Variants in NCBP1 observed in about 807,000 individuals in gnomAD.
NCBP1 encodes nuclear cap binding protein subunit 1, also known as nuclear cap-binding protein subunit 1.
In NCBP1, 16 loss-of-function variants were observed where a neutral mutation model predicts 111.7. That is an observed-to-expected ratio of 0.14 (90% CI 0.10 to 0.22). The LOEUF (loss-of-function observed/expected upper bound fraction) is 0.22, where lower values mean the gene tolerates loss of function less well. Ranked by LOEUF, NCBP1 falls within the 10% of genes least tolerant of loss-of-function variation. The pLI is 1.00. For synonymous variants in NCBP1, 304 were observed against 314.3 expected (o/e 0.97, Z 0.35); for missense variants, 607 against 957.5 (o/e 0.63, Z 4.83).
chr9:97,640,795 T>A lies in NCBP1; in HGVS notation c.36T>A (p.Gly12=). 6.2e-7 allele frequency: 1 copy of A among 1,603,192 alleles called. No individual in the cohort carries two copies. The highest frequency in any genetic ancestry group is 1.1e-5 in the South Asian group (1 of 88,698). ...TAATTTTTTATGTTGCTGAAATAGG[T>A]GGGCAGCCTCACAAAAGGAGAAAGA... ...SRRRHSDEND[G]GQPHKRRKTS... is the part of the protein sequence containing the mutation. Residue 12 remains glycine (G), a splice_region_variant and synonymous_variant, in exon 2 of 23, where the codon GGT becomes GGA. Transcript: ENST00000375147.
rs753424452 is a variant in NCBP1 at position 97,669,799 on chromosome 9, A to G, written c.2259+93A>G. ...TCCTTGTCAAATTTGTTAGGAGGTT[A>G]TATAGTACCTGTTAGACCCTTTAGT... On this transcript the variant is annotated intron_variant, in intron 22 of 22. Transcript: ENST00000375147. 1.8e-5 allele frequency: 15 copies of G among 854,094 alleles called. No individual in the cohort carries two copies. The Middle Eastern group carries it at 1.2e-3, about 67-fold the overall frequency. 52.9% of individuals were successfully genotyped at this position (854,094 alleles called of 1,614,324 possible). A position where few individuals can be genotyped will look rare whatever the true frequency, so the allele number is the denominator to read the frequency against.
At chr9:97,634,720 T>TA (rs1826949713) in intron 1 of NCBP1, 1 of 152,208 alleles carries the variant, frequency 6.6e-6, no homozygotes, top group Non-Finnish European at 1.5e-5. Context: ...ACCAAAAAAG[T>TA]AAAACTTAGA....
Position 97,653,913 on chromosome 9 carries a change from C to A in NCBP1, c.1170+5C>A. On this transcript the variant is annotated splice_donor_5th_base_variant and intron_variant, in intron 11 of 22. Transcript: ENST00000375147. Reference sequence around the variant, plus strand: ...CCTGGCTCTCTACCCCAAGTTGTATCCTTTTCTTTATTTTTAAACTTAATC... The same window carrying A: ...CCTGGCTCTCTACCCCAAGTTGTATACTTTTCTTTATTTTTAAACTTAATC... 1 of 1,595,928 alleles carries A rather than the reference C, an allele frequency of 6.3e-7. No individual in the cohort carries two copies. The highest frequency in any genetic ancestry group is 8.6e-7 in the Non-Finnish European group (1 of 1,165,396).
At position 97,656,961 on chromosome 9, in the gene NCBP1, TTTTTGTTTTG is replaced by T. The variant is rs112887184; in HGVS notation, c.1373+891_1373+900del. Among the ~76,000 whole-genome samples the T allele has an allele frequency of 9.9e-5, 15 of 152,216 alleles. No individual in the cohort carries two copies. The East Asian group carries it at 1.4e-3, about 14-fold the overall frequency. Reference sequence around the variant, plus strand: ...ATTTCCTGTCTGGTCTGGAGTGTTTTTTTTGTTTTGTTTTGTTTTGTTTTTGAGTTGGAGT... The same window carrying T: ...ATTTCCTGTCTGGTCTGGAGTGTTTTTTTTGTTTTGTTTTTGAGTTGGAGT... On this transcript the variant is annotated intron_variant, in intron 14 of 22. Transcript: ENST00000375147.
Position 97,671,618 on chromosome 9 carries a change from A to C in NCBP1, c.*419A>C, listed in dbSNP as rs1265593099. ...TTAACATGGCTGAAATAAAACTAAA[A>C]GTATGGTTTTTAAACTTTGGCATTT... On this transcript the variant is annotated 3_prime_UTR_variant, in exon 23 of 23. Coordinates refer to ENST00000375147, the MANE Select transcript of NCBP1 (RefSeq NM_002486.5). The C allele has an allele frequency of 6.5e-6, 1 of 153,544 alleles. No homozygotes were observed. The highest frequency in any genetic ancestry group is 1.4e-5 in the Non-Finnish European group (1 of 68,998). The allele number at this position is 153,544 out of a possible 1,614,324, so 9.5% of individuals were successfully genotyped here.
chr9:97,658,543 C>T (rs1297688205), intron 14 of NCBP1, 97 bp from the exon 15 acceptor site: 3 of 905,694 alleles, frequency 3.3e-6, no homozygotes, highest in African/African-American at 3.3e-5. Context: ...CAGCTGAGTT[C>T]AAGTTGTTGG....
At chr9:97,653,015 G>T (rs914421086) in intron 10 of NCBP1, among the ~76,000 whole-genome samples, 6 of 152,090 alleles carry the variant, frequency 3.9e-5, no homozygotes, top group Admixed American at 2.0e-4. Flanking sequence ...AAGAGGCATG[G>T]CAAAGAAGTC....
chr9:97,641,291 C>T (rs1827196666), intron 2 of NCBP1, among the ~76,000 whole-genome samples: 1 of 151,964 alleles, frequency 6.6e-6, no homozygotes, highest in South Asian at 2.1e-4. Flanking sequence ...TTCACTCGTC[C>T]ACTTTTCATG....
rs562093927 is a variant in NCBP1, at chr9:97,655,706, A to G, written c.1240A>G (p.Ile414Val). The change falls in exon 13 of 23, where the codon ATT (isoleucine) becomes GTT (valine). Residue 414 changes from isoleucine to valine, a missense_variant. Ile to Val is a conservative substitution (Grantham distance 29). This residue lies in a region of NCBP1 where 21 missense variants were observed against 19.6 expected (regional missense o/e 1.07). Coordinates refer to ENST00000375147, the MANE Select transcript of NCBP1 (RefSeq NM_002486.5). ...ACCTCCCCCTTCTCTACGTAGGTTT[A>G]TTAATTGGTTTTCTCATCATCTAAG... is the stretch of plus-strand genomic sequence containing the variant. The part of the protein sequence containing the change: ...TMNTTCVDRF[I>V]NWFSHHLSNF... 83 of 1,611,204 alleles carry G rather than the reference A, an allele frequency of 5.2e-5. 1 individual carries two copies. The South Asian group carries it at 9.1e-4, about 18-fold the overall frequency.
chr9:97,668,727 T>A lies in NCBP1; in HGVS notation c.2017-119T>A, dbSNP rs938610532. 6 of 1,159,068 alleles carry A rather than the reference T, an allele frequency of 5.2e-6. No individual in the cohort carries two copies. In the Admixed American group the frequency reaches 1.6e-4, roughly 31 times the overall value. 71.8% of individuals were successfully genotyped at this position (1,159,068 alleles called of 1,614,324 possible). ...GTGGGTGGCGGGGTGGGGGGGTACT[T>A]TCACTATAGAATATAAGTCTTAACA... On this transcript the variant is annotated intron_variant, in intron 20 of 22. Transcript: ENST00000375147.
Position 97,662,976 on chromosome 9 carries a change from C to G in NCBP1, c.1726C>G (p.Leu576Val). ...LAKFHEVFKTLAESDEGKLHV... is the reference protein window; with the variant it reads ...LAKFHEVFKTVAESDEGKLHV... ...AAGGTTTCATGAAGTCTTCAAAACC[C>G]TAGCTGAAAGTGATGAAGGAAAGTT... Residue 576 changes from leucine (L) to valine (V), a missense_variant, in exon 18 of 23, where the codon CTA becomes GTA. By Grantham distance (32) the Leu-to-Val change is conservative. This residue lies in a region of NCBP1 where 282 missense variants were observed against 376.5 expected (regional missense o/e 0.75). Transcript: ENST00000375147. The G allele has an allele frequency of 6.2e-7, 1 of 1,613,058 alleles. No individual in the cohort carries two copies. The highest frequency in any genetic ancestry group is 8.5e-7 in the Non-Finnish European group (1 of 1,179,610).
Position 97,673,022 on chromosome 9 carries a change from G to T in NCBP1, c.*1823G>T. On this transcript the variant is annotated 3_prime_UTR_variant, in exon 23 of 23. Coordinates refer to ENST00000375147, the MANE Select transcript of NCBP1 (RefSeq NM_002486.5). ...ACATGGCTGTAGTCCCAGCTACTTG[G>T]GAGGCTGAGACAGGAGAATCGCTTG... 6.6e-6 allele frequency: 1 copy of T among 152,538 alleles called. No homozygotes were observed. The highest frequency in any genetic ancestry group is 1.5e-5 in the Non-Finnish European group (1 of 68,248). The allele number at this position is 152,538 out of a possible 1,614,324, so 9.4% of individuals were successfully genotyped here.
intron 8 of NCBP1, among the ~76,000 whole-genome samples, chr9:97,648,685 A>T (rs1165695560): frequency 2.6e-5 from 4 of 152,186 alleles, no homozygotes; most frequent in African/African-American, 9.7e-5. Flanking sequence ...CTGTCACATG[A>T]TGAATGCTCA....
intron 6 of NCBP1, 112 bp downstream of exon 6, chr9:97,645,844 T>C: frequency 4.7e-6 from 6 of 1,288,932 alleles, no homozygotes; most frequent in Non-Finnish European, 6.4e-6. Flanking sequence ...AGGTATTTTC[T>C]AGGTAATCCT....
At chr9:97,664,168 C>T (rs1375131644) in intron 18 of NCBP1, among the ~76,000 whole-genome samples, 172 bp from the exon 19 acceptor site, 1 of 152,004 alleles carries the variant, frequency 6.6e-6, no homozygotes, top group Non-Finnish European at 1.5e-5. Flanking sequence ...GACAGAGCAA[C>T]TCTGTCTCCC....
At chr9:97,657,964 G>A (rs1046147518) in intron 14 of NCBP1, among the ~76,000 whole-genome samples, 4 of 136,256 alleles carry the variant, frequency 2.9e-5, no homozygotes, top group African/African-American at 8.1e-5. Flanking sequence ...GCCATTCATT[G>A]AGCATTCCCT....
intron 1 of NCBP1, among the ~76,000 whole-genome samples, chr9:97,634,834 G>C (rs1826956745): frequency 1.3e-5 from 2 of 152,192 alleles, no homozygotes. Flanking sequence ...TTCAAAGCCA[G>C]ACCCTACCAT....
rs781092334 is a variant in NCBP1, at chr9:97,662,099, A to G, written c.1658A>G (p.His553Arg). The G allele has an allele frequency of 3.1e-6, 5 of 1,613,988 alleles. No homozygotes were observed. In the Admixed American group the frequency reaches 8.3e-5, roughly 27 times the overall value. The part of the protein sequence containing the change: ...KIEVFVQTLL[H>R]LAAKSFSHSF... ...GAAGTCTTTGTACAGACTCTGCTAC[A>G]CTTGGCAGCCAAATCATTCAGCCAC... The change falls in exon 17 of 23, where the codon CAC becomes CGC. Residue 553 changes from histidine to arginine, a missense_variant. Coordinates refer to ENST00000375147, the MANE Select transcript of NCBP1 (RefSeq NM_002486.5).
chr9:97,668,326 C>G (rs1009477289), intron 20 of NCBP1, among the ~76,000 whole-genome samples: 3 of 152,118 alleles, frequency 2.0e-5, no homozygotes, highest in African/African-American at 4.8e-5. Context: ...TCAGAGTGAG[C>G]TGGGGGCAGG....
Sources: allele counts gnomAD v4.1 joint callset (sites outside exome capture counted in the v4.1 genomes callset), GRCh38; gene constraint gnomAD v4.1.1; regional missense constraint gnomAD v4.1.1; transcripts MANE v1.5; gene names NCBI Gene and HGNC (gene_info 2026-07-23, HGNC 2026-07-21).